The following ATP9B variants were observed in gnomAD, a reference collection of about 807,000 sequenced individuals.
ATP9B encodes the protein probable phospholipid-transporting ATPase IIB.
In ATP9B, 110 loss-of-function variants were observed where a neutral mutation model predicts 146.1. That is an observed-to-expected ratio of 0.75 (90% CI 0.65 to 0.88). ATP9B has a LOEUF of 0.88. ATP9B is among the 40% of genes least tolerant of loss of function. The pLI, the probability that ATP9B is intolerant of heterozygous loss-of-function variation, is 0.00. For synonymous variants in ATP9B, 604 were observed against 569.7 expected (o/e 1.06, Z -0.86); for missense variants, 1,499 against 1,496.4 (o/e 1.00, Z -0.03).
intron 13 of ATP9B, among the ~76,000 whole-genome samples, chr18:79,296,209 T>A (rs1255043151): frequency 2.0e-5 from 3 of 152,144 alleles, no homozygotes; most frequent in African/African-American, 7.2e-5. Flanking sequence ...AGAGATCGAG[T>A]CTCACCGTGT....
chr18:79,260,357 G>A lies in ATP9B; in HGVS notation c.1268+6816G>A, dbSNP rs147938685. Among the ~76,000 whole-genome samples the A allele has an allele frequency of 8.8e-3, 1,336 of 152,222 alleles. 10 individuals carry two copies. The highest frequency in any genetic ancestry group is 0.015 in the Non-Finnish European group (1,002 of 68,024). ...CACTCATTATCACGAGAACAGCATG[G>A]AGGAAACCGCCCCCATGATCCAGTC... On this transcript the variant is annotated intron_variant, in intron 12 of 29. Transcript: ENST00000426216.
At chr18:79,202,350 TTA>T (rs2095496867) in intron 9 of ATP9B, among the ~76,000 whole-genome samples, 1 of 152,216 alleles carries the variant, frequency 6.6e-6, no homozygotes, top group Admixed American at 6.5e-5. Flanking sequence ...TTAGCAGTAT[TTA>T]TAGTCCTTTA....
intron 11 of ATP9B, among the ~76,000 whole-genome samples, chr18:79,215,833 A>G (rs762886483): frequency 1.3e-5 from 2 of 151,992 alleles, no homozygotes; most frequent in Non-Finnish European, 2.9e-5. Flanking sequence ...GGGATTACAG[A>G]TGAGCACCAC....
At chr18:79,370,201 T>C (rs2097060785) in intron 26 of ATP9B, among the ~76,000 whole-genome samples, 1 of 152,242 alleles carries the variant, frequency 6.6e-6, no homozygotes, top group African/African-American at 2.4e-5. Context: ...TAATGGTAAA[T>C]ATAACAGTAG....
chr18:79,321,770 A>C (rs1390960006), intron 15 of ATP9B, among the ~76,000 whole-genome samples: 1 of 152,222 alleles, frequency 6.6e-6, no homozygotes, highest in African/African-American at 2.4e-5. Context: ...CTCTTTGCTC[A>C]AATGGATTGT....
intron 13 of ATP9B, among the ~76,000 whole-genome samples, chr18:79,284,377 A>T (rs1205517169): frequency 6.6e-6 from 1 of 152,210 alleles, no homozygotes; most frequent in Non-Finnish European, 1.5e-5. Context: ...AGATATTAAC[A>T]CATGCAGATA....
At chr18:79,153,058 G>C (rs969835465) in intron 6 of ATP9B, among the ~76,000 whole-genome samples, 1 of 151,976 alleles carries the variant, frequency 6.6e-6, no homozygotes, top group African/African-American at 2.4e-5. Context: ...GCTAATATTA[G>C]TTTTTTTCCC....
intron 11 of ATP9B, among the ~76,000 whole-genome samples, chr18:79,231,515 G>A (rs141605513): frequency 0.13 from 19,980 of 152,048 alleles, 1,803 homozygotes; most frequent in East Asian, 0.33. Context: ...GTGGTGATCA[G>A]GGAACACTTC....
chr18:79,296,059 A>G (rs1408116265), intron 13 of ATP9B, among the ~76,000 whole-genome samples: 1 of 152,190 alleles, frequency 6.6e-6, no homozygotes, highest in East Asian at 1.9e-4. Flanking sequence ...TCTGTGACTC[A>G]GGCTGGAGTG....
At chr18:79,374,844 T>C (rs1171640485) in intron 28 of ATP9B, among the ~76,000 whole-genome samples, 1 of 152,254 alleles carries the variant, frequency 6.6e-6, no homozygotes, top group East Asian at 1.9e-4. Context: ...TGTAAGATCA[T>C]GAATTAACAC....
chr18:79,361,345 A>G (rs571954372), intron 26 of ATP9B: 1 of 152,268 alleles, frequency 6.6e-6, no homozygotes, highest in East Asian at 1.9e-4. Flanking sequence ...CGGAGCAGCT[A>G]ATTATCCGTA....
chr18:79,172,195 A>G (rs1053931195), intron 7 of ATP9B, among the ~76,000 whole-genome samples: 5 of 147,742 alleles, frequency 3.4e-5, no homozygotes, highest in Non-Finnish European at 6.0e-5. Flanking sequence ...TTACAGGCCT[A>G]GCCACCGTGC....
rs1402609002 is a variant in ATP9B, at chr18:79,143,831, C to G, written c.697C>G (p.Gln233Glu). The change falls in exon 6 of 30, where the codon CAA becomes GAA. Residue 233 changes from glutamine (Q) to glutamate (E), a missense_variant. By Grantham distance (29) the Gln-to-Glu change is conservative (BLOSUM62 2). Transcript: ENST00000426216. The part of the protein sequence containing the change: ...GKVQVKSSDI[Q>E]VGDLIIVEKN... ...AGTGCAAGTTAAGAGTTCAGACATA[C>G]AAGTTGGAGACCTCATCATAGTGGA... 6.3e-7 allele frequency: 1 copy of G among 1,587,692 alleles called. No homozygotes were observed. The highest frequency in any genetic ancestry group is 8.6e-7 in the Non-Finnish European group (1 of 1,169,424).
At chr18:79,278,971 C>T (rs1443607205) in intron 13 of ATP9B, among the ~76,000 whole-genome samples, 2 of 152,122 alleles carry the variant, frequency 1.3e-5, no homozygotes, top group Non-Finnish European at 2.9e-5. Flanking sequence ...GCAAAGCAGA[C>T]CAAAGTTGCC....
Position 79,069,427 on chromosome 18 carries a change from C to A in ATP9B, c.17C>A (p.Pro6Gln), listed in dbSNP as rs747144142. Residue 6 changes from proline (P) to glutamine (Q), a missense_variant, in exon 1 of 30, where the codon CCG becomes CAG. Coordinates refer to ENST00000426216, the MANE Select transcript of ATP9B (RefSeq NM_198531.5). ...GGTCGGAACATGGCGGACCAGATCCCGCTTTACCCGGTGCGTAGCGCAGCG... is the reference window on the plus strand; with the variant it reads ...GGTCGGAACATGGCGGACCAGATCCAGCTTTACCCGGTGCGTAGCGCAGCG... Reference protein sequence around the residue: MADQIPLYPVRSAAAA... With the variant: MADQIQLYPVRSAAAA... 6.6e-6 allele frequency: 10 copies of A among 1,518,490 alleles called. No homozygotes were observed. Among genetic ancestry groups the A allele is most frequent in the East Asian group, 2.8e-5 (1 of 36,274 alleles). The allele number at this position is 1,518,490 out of a possible 1,614,324, so 94.1% of individuals were successfully genotyped here.
At chr18:79,219,865 G>A (rs1342108696) in intron 11 of ATP9B, among the ~76,000 whole-genome samples, 1 of 152,200 alleles carries the variant, frequency 6.6e-6, no homozygotes, top group Non-Finnish European at 1.5e-5. Context: ...ATGCAACATG[G>A]TAAGACTTTG....
intron 4 of ATP9B, among the ~76,000 whole-genome samples, chr18:79,124,766 G>A (rs1039911965): frequency 1.3e-5 from 2 of 152,204 alleles, no homozygotes; most frequent in Non-Finnish European, 2.9e-5. Context: ...GAGAGCCTGC[G>A]TCCGGCTGGG....
chr18:79,161,451 G>A (rs2094878654), intron 7 of ATP9B, among the ~76,000 whole-genome samples: 1 of 152,086 alleles, frequency 6.6e-6, no homozygotes, highest in South Asian at 2.1e-4. Context: ...TCAAGTTAGG[G>A]CCCTGCTGTA....
At chr18:79,329,339 G>T in intron 16 of ATP9B, 37 bp downstream of exon 16, 1 of 1,507,274 alleles carries the variant, frequency 6.6e-7, no homozygotes, top group Non-Finnish European at 8.9e-7. Context: ...GATGGCTTCA[G>T]ACATTTTGTT....
Sources: allele counts gnomAD v4.1 joint callset (sites outside exome capture counted in the v4.1 genomes callset), GRCh38; gene constraint gnomAD v4.1.1; transcripts MANE v1.5; gene names NCBI Gene and HGNC (gene_info 2026-07-23, HGNC 2026-07-21).